TG: variants seen among roughly 807,000 people sequenced by gnomAD.
TG encodes thyroglobulin, also known as thyroid hormones.
Under a neutral mutation model 324.7 loss-of-function variants are expected in TG, and 270 were observed. That is an observed-to-expected ratio of 0.83 (90% CI 0.75 to 0.92). TG has a LOEUF of 0.92. TG is among the 40% of genes least tolerant of loss of function. The pLI, the probability that TG is intolerant of heterozygous loss-of-function variation, is 0.00. For synonymous variants in TG, 1,401 were observed against 1,327.0 expected (o/e 1.06, Z -1.21); for missense variants, 3,591 against 3,456.4 (o/e 1.04, Z -0.98).
At position 133,094,342 on chromosome 8, in the gene TG, G is replaced by A. The variant is rs567361709; in HGVS notation, c.7240-702G>A. Among the ~76,000 whole-genome samples the A allele has an allele frequency of 1.6e-4, 23 of 145,084 alleles. No individual in the cohort carries two copies. In the South Asian group the frequency reaches 3.8e-3, roughly 24 times the overall value. ...TGCAAGCTCCGCCTCCCGGGTTCAC[G>A]CCATTCTCCTACCTCAGCCTCCCAA... On this transcript the variant is annotated intron_variant, in intron 41 of 47. Transcript: ENST00000220616.
Position 132,881,970 on chromosome 8 carries a change from G to T in TG, c.745+1G>T. 1 of 1,604,814 alleles carries T rather than the reference G, an allele frequency of 6.2e-7. No homozygotes were observed. The highest frequency in any genetic ancestry group is 8.5e-7 in the Non-Finnish European group (1 of 1,171,472). Reference sequence around the variant, plus strand: ...CAAGGGCGGGAACTGGCTGAGACAGGTGAGTGATACCCCTCAGGTGATCTG... The same window carrying T: ...CAAGGGCGGGAACTGGCTGAGACAGTTGAGTGATACCCCTCAGGTGATCTG... On this transcript the variant is annotated splice_donor_variant, in intron 6 of 47. Transcript: ENST00000220616. LOFTEE classifies it high-confidence loss of function.
At chr8:132,998,495 G>A (rs1324414343) in intron 35 of TG, among the ~76,000 whole-genome samples, 3 of 152,232 alleles carry the variant, frequency 2.0e-5, no homozygotes, top group South Asian at 2.1e-4. Flanking sequence ...AAGCTGCAGG[G>A]AAAGAGAGCC....
chr8:133,024,326 CTTTCTTTCTTTCTTTCT>C (rs1564084155), intron 40 of TG, among the ~76,000 whole-genome samples: 1 of 84,102 alleles, frequency 1.2e-5, no homozygotes, highest in Non-Finnish European at 2.5e-5. Context: ...TTCTTTCTTT[CTTTCTTTCTTTCTTTCT>C]TTCTTTCTTT....
rs572854281 is a variant in TG, at chr8:132,974,537, C to G, written c.6199+1796C>G. Among the ~76,000 whole-genome samples, 3 of 152,312 alleles carry G rather than the reference C, an allele frequency of 2.0e-5. No individual in the cohort carries two copies. The South Asian group carries it at 6.2e-4, about 32-fold the overall frequency. On this transcript the variant is annotated intron_variant, in intron 34 of 47. Transcript: ENST00000220616. ...GCTGGTAGGAAACAGAGGCAGGCTT[C>G]AGGCCCAGACCTGATGACCCCAAAC...
intron 40 of TG, 138 bp downstream of exon 40, chr8:133,022,288 G>C: frequency 8.7e-7 from 1 of 1,145,524 alleles, no homozygotes; most frequent in Non-Finnish European, 1.3e-6. Flanking sequence ...AGCACATATG[G>C]GAGACCCTCC....
At chr8:133,087,071 TACAC>T (rs56028043) in intron 41 of TG, among the ~76,000 whole-genome samples, 9,506 of 142,896 alleles carry the variant, frequency 0.067, 383 homozygotes, top group East Asian at 0.11. Flanking sequence ...AATATATGTT[TACAC>T]ACACACACAC....
chr8:133,079,087 A>T (rs1028858125), intron 41 of TG, among the ~76,000 whole-genome samples: 5 of 152,204 alleles, frequency 3.3e-5, no homozygotes, highest in African/African-American at 1.2e-4. Context: ...GTACTGAGTC[A>T]GCACAAGAAG....
intron 34 of TG, among the ~76,000 whole-genome samples, chr8:132,980,806 G>A (rs1487866776): frequency 6.6e-6 from 1 of 152,128 alleles, no homozygotes; most frequent in Admixed American, 6.5e-5. Flanking sequence ...GACAGATGTG[G>A]TATCAGAAAT....
At chr8:132,888,619 G>GTGTGTA (rs1815778556) in intron 10 of TG, 51 bp downstream of exon 10, 15 of 1,480,102 alleles carry the variant, frequency 1.0e-5, no homozygotes, top group Non-Finnish European at 1.4e-5. Context: ...GTGTGTGTGT[G>GTGTGTA]TGTATGTGTG....
intron 16 of TG, among the ~76,000 whole-genome samples, chr8:132,903,297 G>A (rs1181700821): frequency 6.6e-6 from 1 of 152,226 alleles, no homozygotes; most frequent in Non-Finnish European, 1.5e-5. Context: ...TGACGGTTGG[G>A]TAGATGCTCA....
At chr8:132,918,528 C>T (rs953884315) in intron 20 of TG, among the ~76,000 whole-genome samples, 2 of 152,168 alleles carry the variant, frequency 1.3e-5, no homozygotes, top group African/African-American at 4.8e-5. Context: ...ATGCCAACTA[C>T]ACACGTAGAC....
chr8:133,003,410 ATTT>A (rs568961549), intron 35 of TG, among the ~76,000 whole-genome samples: 1 of 138,822 alleles, frequency 7.2e-6, no homozygotes, highest in African/African-American at 2.6e-5. Context: ...TCGGATACTT[ATTT>A]TTTTTTTTTT....
chr8:132,969,438 T>C lies in TG; in HGVS notation c.5864-20T>C, dbSNP rs1409077249. 4 of 1,544,496 alleles carry C rather than the reference T, an allele frequency of 2.6e-6. No homozygotes were observed. Among genetic ancestry groups the C allele is most frequent in the Non-Finnish European group, 3.6e-6 (4 of 1,116,754 alleles). On this transcript the variant is annotated intron_variant, in intron 31 of 47. Transcript: ENST00000220616. ...ACAGCAAATCTCTAAGTAATGTATTTTCTTTCTTCCTCTATGAAGTTATAC... is the reference window on the plus strand; with the variant it reads ...ACAGCAAATCTCTAAGTAATGTATTCTCTTTCTTCCTCTATGAAGTTATAC...
At chr8:133,128,332 GGCGTGCACA>G (rs1195357275) in intron 45 of TG, among the ~76,000 whole-genome samples, 6 of 148,814 alleles carry the variant, frequency 4.0e-5, no homozygotes, top group African/African-American at 1.5e-4. Flanking sequence ...TGAAACAAAA[GGCGTGCACA>G]CACACACACA....
intron 27 of TG, among the ~76,000 whole-genome samples, chr8:132,958,737 T>G (rs75695847): frequency 3.8e-4 from 58 of 152,084 alleles, no homozygotes; most frequent in Admixed American, 5.9e-4. Flanking sequence ...AAAAAAATTA[T>G]CTGATTTCCC....
intron 41 of TG, among the ~76,000 whole-genome samples, chr8:133,079,625 CAG>C (rs2131516217): frequency 6.6e-6 from 1 of 152,282 alleles, no homozygotes; most frequent in African/African-American, 2.4e-5. Flanking sequence ...CATGCTGGGT[CAG>C]AGTCACAGCT....
intron 34 of TG, among the ~76,000 whole-genome samples, chr8:132,977,885 T>C (rs79365426): frequency 0.058 from 8,896 of 152,310 alleles, 376 homozygotes; most frequent in Middle Eastern, 0.14. Flanking sequence ...TTGAGATTTA[T>C]TGAGTTCCTA....
At chr8:133,120,471 A>G (rs1851055229) in intron 45 of TG, among the ~76,000 whole-genome samples, 1 of 152,194 alleles carries the variant, frequency 6.6e-6, no homozygotes, top group Non-Finnish European at 1.5e-5. Flanking sequence ...TGGAAGCCAC[A>G]AGGATGAATT....
intron 43 of TG, among the ~76,000 whole-genome samples, chr8:133,112,766 G>A (rs967002510): frequency 1.3e-5 from 2 of 152,036 alleles, no homozygotes; most frequent in African/African-American, 4.8e-5. Flanking sequence ...CTTCGTATAT[G>A]GCCTTATATT....
Sources: gnomAD v4.1 joint callset for allele counts (sites outside exome capture counted in the v4.1 genomes callset) on GRCh38, gnomAD v4.1.1 for gene constraint, MANE v1.5 for transcripts, NCBI Gene and HGNC (gene_info 2026-07-23, HGNC 2026-07-21) for gene names.